Variants in ZDHHC18 observed in about 807,000 individuals in gnomAD.
ZDHHC18 encodes the protein zDHHC palmitoyltransferase 18, also known as palmitoyltransferase ZDHHC18.
In ZDHHC18, 23 loss-of-function variants were observed where a neutral mutation model predicts 37.5. The ratio of observed to expected loss-of-function variants is 0.61; its 90% CI spans 0.44 to 0.87. The LOEUF (loss-of-function observed/expected upper bound fraction) is 0.87. ZDHHC18 is among the 40% of genes least tolerant of loss of function. The pLI, the probability that ZDHHC18 is intolerant of heterozygous loss-of-function variation, is 0.00. For synonymous variants in ZDHHC18, 185 were observed against 218.7 expected (o/e 0.85, Z 1.36); for missense variants, 406 against 525.6 (o/e 0.77, Z 2.22).
At position 26,856,625 on chromosome 1, in the gene ZDHHC18, C is replaced by T. The variant is rs766887990; in HGVS notation, c.*2782C>T. 6.4e-6 allele frequency: 1 copy of T among 156,934 alleles called. No individual in the cohort carries two copies. Among genetic ancestry groups the T allele is most frequent in the Non-Finnish European group, 1.4e-5 (1 of 70,752 alleles). The allele number at this position is 156,934 out of a possible 1,614,324, so 9.7% of individuals were successfully genotyped here. A position where few individuals can be genotyped will look rare whatever the true frequency, so the allele number is the denominator to read the frequency against. On this transcript the variant is annotated 3_prime_UTR_variant, in exon 8 of 8. Transcript: ENST00000374142. This position sits in a 1 kb window ranked among gnomAD's most constrained non-coding sequence, Gnocchi z 5.2. ...GCAGGGGCCACCGGTCACTAACACTCTTATGTCCTGGCTTTCTGTCCCCGC... is the reference window on the plus strand; with the variant it reads ...GCAGGGGCCACCGGTCACTAACACTTTTATGTCCTGGCTTTCTGTCCCCGC...
rs1189096803 is a variant in ZDHHC18, at chr1:26,834,596, G to A, written c.496+1989G>A. Among the ~76,000 whole-genome samples the A allele has an allele frequency of 2.0e-5, 3 of 152,268 alleles. No individual in the cohort carries two copies. In the East Asian group the frequency reaches 5.8e-4, roughly 29 times the overall value. ...TCTCTGAACCTGTGCTGCAACGGTG[G>A]TCATTACAAAATCATCCTTTCTGCT... On this transcript the variant is annotated intron_variant, in intron 2 of 7. Transcript: ENST00000374142.
chr1:26,851,618 T>A (rs1250548979), intron 6 of ZDHHC18, among the ~76,000 whole-genome samples: 2 of 152,204 alleles, frequency 1.3e-5, no homozygotes, highest in Admixed American at 6.5e-5. Flanking sequence ...GGATGTTTTT[T>A]CCCCATTCGA....
chr1:26,850,358 G>A lies in ZDHHC18; in HGVS notation c.704G>A (p.Arg235His), dbSNP rs1387740493. The A allele has an allele frequency of 3.1e-6, 5 of 1,614,246 alleles. No homozygotes were observed. Among genetic ancestry groups the A allele is most frequent in the Non-Finnish European group, 3.4e-6 (4 of 1,180,048 alleles). Residue 235 changes from arginine (R) to histidine (H), a missense_variant, in exon 4 of 8, where the codon CGC (arginine) becomes CAC (histidine). Physicochemically the swap from Arg to His is conservative, Grantham distance 29. Transcript: ENST00000374142. This position sits in a 1 kb window ranked among gnomAD's most constrained non-coding sequence, Gnocchi z 6.1. ...AACTGTGTGGGGAGACGGAACTATC[G>A]CTTCTTCTACGCGTTTATTCTCTCC... is the stretch of plus-strand genomic sequence containing the variant. ...VGNCVGRRNY[R>H]FFYAFILSLS...
chr1:26,851,333 C>A, intron 6 of ZDHHC18, 102 bp downstream of exon 6: 1 of 1,143,252 alleles, frequency 8.7e-7, no homozygotes, highest in Non-Finnish European at 1.3e-6. Context: ...GACTCACGGA[C>A]TGCTGGGATA....
In ZDHHC18 at chr1:26,853,889, A is replaced by G. The variant is rs1199259044; in HGVS notation, c.*46A>G. The G allele has an allele frequency of 1.3e-6, 2 of 1,548,412 alleles. No individual in the cohort carries two copies. Among genetic ancestry groups the G allele is most frequent in the Admixed American group, 1.7e-5 (1 of 59,734 alleles). Reference sequence around the variant, plus strand: ...CCTGCTGGCCTGTCTGACCCTCCGCACTCACCTGCCGGGACCCTCCCTATT... The same window carrying G: ...CCTGCTGGCCTGTCTGACCCTCCGCGCTCACCTGCCGGGACCCTCCCTATT... On this transcript the variant is annotated 3_prime_UTR_variant, in exon 8 of 8. Coordinates refer to ENST00000374142, the MANE Select transcript of ZDHHC18 (RefSeq NM_032283.3).
intron 1 of ZDHHC18, among the ~76,000 whole-genome samples, chr1:26,830,508 A>G (rs1369043772): frequency 6.6e-6 from 1 of 151,832 alleles, no homozygotes; most frequent in Non-Finnish European, 1.5e-5. Context: ...TACAGTAACT[A>G]TCTACATAGT....
intron 1 of ZDHHC18, 64 bp from the exon 2 acceptor site, chr1:26,832,383 T>A (rs2081592078): frequency 6.3e-7 from 1 of 1,596,078 alleles, no homozygotes; most frequent in Non-Finnish European, 8.6e-7. Flanking sequence ...TGCCACGTGC[T>A]GTAGCCCTGT....
At position 26,826,694 on chromosome 1, in the gene ZDHHC18, T is replaced by TGAGC. The variant is rs902061368; in HGVS notation, c.-101_-98dup. 7.6e-5 allele frequency: 28 copies of TGAGC among 369,000 alleles called. No homozygotes were observed. Among genetic ancestry groups the TGAGC allele is most frequent in the Admixed American group, 6.0e-4 (9 of 15,006 alleles). 22.9% of individuals were successfully genotyped at this position (369,000 alleles called of 1,614,324 possible). ...GCGATGGCGGGGCCGCCCCAGTGAGTGAGCGAGCGAGCGCCGCGCGCGCCG... is the reference window on the plus strand; with the variant it reads ...GCGATGGCGGGGCCGCCCCAGTGAGTGAGCGAGCGAGCGAGCGCCGCGCGCGCCG... On this transcript the variant is annotated 5_prime_UTR_variant, in exon 1 of 8. Transcript: ENST00000374142. The surrounding 1 kb of genome is among the most constrained non-coding windows in gnomAD (Gnocchi z 5.2).
At chr1:26,843,490 A>G (rs1181118990) in intron 2 of ZDHHC18, among the ~76,000 whole-genome samples, 2 of 151,212 alleles carry the variant, frequency 1.3e-5, no homozygotes, top group Non-Finnish European at 2.9e-5. Flanking sequence ...TGGGCTTATC[A>G]AAAGTATACA....
chr1:26,853,845 C>G lies in ZDHHC18; in HGVS notation c.*2C>G. On this transcript the variant is annotated 3_prime_UTR_variant, in exon 8 of 8. Coordinates refer to ENST00000374142, the MANE Select transcript of ZDHHC18 (RefSeq NM_032283.3). Reference sequence around the variant, plus strand: ...AGCATGGTAGGAGGCCACCCCTGACCACGGCTCAGTACTTGCCACCTGCTG... The same window carrying G: ...AGCATGGTAGGAGGCCACCCCTGACGACGGCTCAGTACTTGCCACCTGCTG... 1 of 1,613,046 alleles carries G rather than the reference C, an allele frequency of 6.2e-7. No individual in the cohort carries two copies.
At position 26,851,117 on chromosome 1, in the gene ZDHHC18, A is replaced by G; in HGVS notation, c.834-12A>G. 3.1e-6 allele frequency: 5 copies of G among 1,613,648 alleles called. No individual in the cohort carries two copies. The highest frequency in any genetic ancestry group is 4.2e-6 in the Non-Finnish European group (5 of 1,179,562). On this transcript the variant is annotated splice_polypyrimidine_tract_variant and intron_variant, in intron 5 of 7. Coordinates refer to ENST00000374142, the MANE Select transcript of ZDHHC18 (RefSeq NM_032283.3). ...CCACCCTCCACCCATTGAAGTCCTT[A>G]ACTGCCCTCACCGTGCTGGAGTTGG...
intron 2 of ZDHHC18, among the ~76,000 whole-genome samples, chr1:26,848,169 G>A (rs577160122): frequency 6.4e-4 from 98 of 152,190 alleles, no homozygotes; most frequent in African/African-American, 2.3e-3. Flanking sequence ...AAAATTAGCT[G>A]GGCGTGGTGG....
At chr1:26,840,651 A>G (rs1209580980) in intron 2 of ZDHHC18, among the ~76,000 whole-genome samples, 1 of 152,108 alleles carries the variant, frequency 6.6e-6, no homozygotes, top group Non-Finnish European at 1.5e-5. Context: ...TGTGTTGGCC[A>G]GGCTGGTCTT....
chr1:26,845,409 T>C (rs1361423919), intron 2 of ZDHHC18, among the ~76,000 whole-genome samples: 1 of 136,946 alleles, frequency 7.3e-6, no homozygotes, highest in African/African-American at 2.7e-5. Flanking sequence ...TTCAGCTCAC[T>C]GTAACCCCCA....
At chr1:26,847,914 CAT>C (rs1482138088) in intron 2 of ZDHHC18, among the ~76,000 whole-genome samples, 1 of 152,168 alleles carries the variant, frequency 6.6e-6, no homozygotes, top group Non-Finnish European at 1.5e-5. Flanking sequence ...GTAAATGTCT[CAT>C]ATTCTAGATC....
chr1:26,836,442 C>G (rs1173862983), intron 2 of ZDHHC18, among the ~76,000 whole-genome samples: 1 of 152,164 alleles, frequency 6.6e-6, no homozygotes, highest in Non-Finnish European at 1.5e-5. Flanking sequence ...CTGCCCTGTC[C>G]CCCCACAAAC....
At chr1:26,846,393 C>T (rs1212883635) in intron 2 of ZDHHC18, among the ~76,000 whole-genome samples, 1 of 126,762 alleles carries the variant, frequency 7.9e-6, no homozygotes, top group East Asian at 2.7e-4. Context: ...GTGGCCCAAT[C>T]TCGGCTCACT....
intron 1 of ZDHHC18, among the ~76,000 whole-genome samples, chr1:26,829,158 G>A (rs1284884311): frequency 2.0e-5 from 3 of 152,144 alleles, no homozygotes; most frequent in Non-Finnish European, 4.4e-5. Flanking sequence ...GAGCTCACCT[G>A]GGTCTGGACT....
At chr1:26,847,250 G>C (rs2081675000) in intron 2 of ZDHHC18, among the ~76,000 whole-genome samples, 1 of 152,010 alleles carries the variant, frequency 6.6e-6, no homozygotes, top group Non-Finnish European at 1.5e-5. Flanking sequence ...CTGTCACCCT[G>C]GCTAGAGTGC....
Sources: allele counts gnomAD v4.1 joint callset (sites outside exome capture counted in the v4.1 genomes callset), GRCh38; gene constraint gnomAD v4.1.1; non-coding constraint Gnocchi (gnomAD v3.1); transcripts MANE v1.5; gene names NCBI Gene and HGNC (gene_info 2026-07-23, HGNC 2026-07-21).